PLEKHA6: variants seen among roughly 807,000 people sequenced by gnomAD.
The protein encoded by PLEKHA6 is pleckstrin homology domain-containing family A member 6.
Under a neutral mutation model 116.7 loss-of-function variants are expected in PLEKHA6, and 60 were observed. That is an observed-to-expected ratio of 0.51 (90% confidence interval 0.42 to 0.64). The LOEUF is 0.64. PLEKHA6 is among the 30% of genes least tolerant of loss of function. The probability of loss-of-function intolerance (pLI) is 0.00; values close to 1 mark genes in which losing one functional copy is unlikely to be tolerated. For missense variants in PLEKHA6, 1,338 were observed against 1,422.7 expected (o/e 0.94, Z 0.96); for synonymous variants, 489 against 556.1 (o/e 0.88, Z 1.70).
At chr1:204,337,420 C>T (rs1349895629) in intron 1 of PLEKHA6, among the ~76,000 whole-genome samples, 6 of 152,172 alleles carry the variant, frequency 3.9e-5, no homozygotes, top group East Asian at 1.9e-4. Flanking sequence ...CTAACTCACC[C>T]GGCGAGATGT....
chr1:204,322,890 G>GT (rs1672115941), intron 1 of PLEKHA6, among the ~76,000 whole-genome samples: 1 of 152,160 alleles, frequency 6.6e-6, no homozygotes, highest in South Asian at 2.1e-4. Flanking sequence ...GTCCCATGGC[G>GT]TATCATTCTG....
rs772234892 is a variant in PLEKHA6 at position 204,257,759 on chromosome 1, C to T, written c.1118G>A (p.Ser373Asn). 58 of 1,613,852 alleles carry T rather than the reference C, an allele frequency of 3.6e-5. No individual in the cohort carries two copies. The highest frequency in any genetic ancestry group is 4.7e-5 in the Non-Finnish European group (55 of 1,179,906). ...ATCATAGGCCGGCATGGAACAGATG[C>T]TCTCCGGCCGCACTCCTGGCGGGTA... ...QYYPPGVRPESICSMPAYDRI... is the reference protein window; with the variant it reads ...QYYPPGVRPENICSMPAYDRI... Residue 373 changes from serine (S) to asparagine (N), a missense_variant, in exon 9 of 23, where the codon AGC becomes AAC. Around this residue, in one of 3 missense-constraint regions of PLEKHA6, gnomAD observed 1,136 missense variants for 1,163.6 expected, o/e 0.98. Transcript: ENST00000272203. This position sits in a 1 kb window ranked among gnomAD's most constrained non-coding sequence, Gnocchi z 6.5.
Position 204,261,301 on chromosome 1 carries a change from C to T in PLEKHA6, c.524+5G>A. 1 of 1,614,194 alleles carries T rather than the reference C, an allele frequency of 6.2e-7. No individual in the cohort carries two copies. Among genetic ancestry groups the T allele is most frequent in the Non-Finnish European group, 8.5e-7 (1 of 1,180,018 alleles). The stretch of plus-strand genomic sequence containing the variant: ...CACCCCCACACTCAATTCCCTGGCA[C>T]TCACCTGTGCCGCACAGCTTGGGGC... On this transcript the variant is annotated splice_donor_5th_base_variant and intron_variant, in intron 7 of 22. Coordinates refer to ENST00000272203, the MANE Select transcript of PLEKHA6 (RefSeq NM_014935.5). The surrounding 1 kb of genome is among the most constrained non-coding windows in gnomAD (Gnocchi z 4.0).
intron 1 of PLEKHA6, among the ~76,000 whole-genome samples, chr1:204,375,691 T>G (rs775805133): frequency 7.2e-5 from 11 of 152,088 alleles, no homozygotes; most frequent in Non-Finnish European, 1.6e-4. Flanking sequence ...AGTCCCAGTT[T>G]GAAATCTCCT....
chr1:204,259,276 G>C lies in PLEKHA6; in HGVS notation c.989C>G (p.Pro330Arg). The C allele has an allele frequency of 6.2e-7, 1 of 1,613,620 alleles. No homozygotes were observed. The highest frequency in any genetic ancestry group is 8.5e-7 in the Non-Finnish European group (1 of 1,179,852). The change falls in exon 8 of 23, where the codon CCG (proline) becomes CGG (arginine). Residue 330 changes from proline to arginine, a missense_variant. By Grantham distance (103) the Pro-to-Arg change is moderately radical (BLOSUM62 -2). Around this residue, in one of 3 missense-constraint regions of PLEKHA6, gnomAD observed 1,136 missense variants for 1,163.6 expected, o/e 0.98. Transcript: ENST00000272203. The surrounding 1 kb of genome is among the most constrained non-coding windows in gnomAD (Gnocchi z 4.6). Reference protein sequence around the residue: ...QWVNLRRGVPPPEDLRSPSRF... With the variant: ...QWVNLRRGVPRPEDLRSPSRF... The stretch of plus-strand genomic sequence containing the variant: ...GCCTCACCTCCGAAGGTCTTCAGGC[G>C]GGGGTACCCCCCGGCGCAGATTCAC...
chr1:204,234,981 T>C (rs1558031118), intron 17 of PLEKHA6, among the ~76,000 whole-genome samples: 541 of 17,010 alleles, frequency 0.032, 58 homozygotes, highest in African/African-American at 0.052. Flanking sequence ...TATATATATA[T>C]ATATATATAT....
chr1:204,376,236 C>A (rs373165402), intron 1 of PLEKHA6, among the ~76,000 whole-genome samples: 1 of 152,098 alleles, frequency 6.6e-6, no homozygotes, highest in African/African-American at 2.4e-5. Flanking sequence ...GAGAATGAAC[C>A]ACTTCATCAG....
At chr1:204,273,234 C>T (rs1353968303) in intron 3 of PLEKHA6, among the ~76,000 whole-genome samples, 1 of 152,186 alleles carries the variant, frequency 6.6e-6, no homozygotes, top group African/African-American at 2.4e-5. Context: ...GAGATTTTGT[C>T]CCCAAGGGAC....
chr1:204,259,578 C>T lies in PLEKHA6; in HGVS notation c.687G>A (p.Lys229=). 6.2e-7 allele frequency: 1 copy of T among 1,614,092 alleles called. No individual in the cohort carries two copies. Among genetic ancestry groups the T allele is most frequent in the Admixed American group, 1.7e-5 (1 of 60,028 alleles). Residue 229 remains lysine (K), a synonymous_variant, in exon 8 of 23, where the codon AAG becomes AAA. Transcript: ENST00000272203. The surrounding 1 kb of genome is among the most constrained non-coding windows in gnomAD (Gnocchi z 4.6). ...CATTGGCTTTCACCGGAGGCTCTTT[C>T]TTGACTTCTGGCCTCTCAGGCCTTC... ...AERRPERPEV[K]KEPPVKANGL... is the part of the protein sequence containing the mutation.
At chr1:204,333,771 C>A (rs1007992174) in intron 1 of PLEKHA6, among the ~76,000 whole-genome samples, 2 of 152,212 alleles carry the variant, frequency 1.3e-5, no homozygotes, top group African/African-American at 4.8e-5. Flanking sequence ...CCCCTGCTCT[C>A]CAGCTGCCCT....
intron 9 of PLEKHA6, chr1:204,255,716 C>T: frequency 1.4e-6 from 1 of 701,354 alleles, no homozygotes; most frequent in Non-Finnish European, 2.6e-6. Flanking sequence ...CAAACAGCAA[C>T]ACAAACAAAC....
chr1:204,276,637 GACACACACACACAC>G (rs10567692), intron 1 of PLEKHA6, among the ~76,000 whole-genome samples: 43 of 136,926 alleles, frequency 3.1e-4, no homozygotes, highest in African/African-American at 8.1e-4. Context: ...CACTGGCACA[GACACACACACACAC>G]ACACACACAC....
At chr1:204,249,362 C>A (rs1372200058) in intron 10 of PLEKHA6, 98 bp from the exon 11 acceptor site, 4 of 870,982 alleles carry the variant, frequency 4.6e-6, no homozygotes, top group South Asian at 1.5e-5. Context: ...CCTCTGGATA[C>A]CCCCCTCCTT....
chr1:204,336,332 A>AC (rs1672648386), intron 1 of PLEKHA6, among the ~76,000 whole-genome samples: 1 of 152,208 alleles, frequency 6.6e-6, no homozygotes, highest in African/African-American at 2.4e-5. Flanking sequence ...CCTGGCTCAC[A>AC]AACCTGCAGT....
At chr1:204,315,226 A>G (rs1218174020) in intron 1 of PLEKHA6, among the ~76,000 whole-genome samples, 1 of 152,018 alleles carries the variant, frequency 6.6e-6, no homozygotes, top group Non-Finnish European at 1.5e-5. Flanking sequence ...ATGGCTCAAT[A>G]CCTGTTTCAT....
intron 1 of PLEKHA6, among the ~76,000 whole-genome samples, chr1:204,348,099 G>T (rs1221073467): frequency 1.3e-5 from 2 of 152,124 alleles, no homozygotes; most frequent in Non-Finnish European, 2.9e-5. Context: ...TGTTACAGAG[G>T]CACCAAGAGC....
intron 17 of PLEKHA6, among the ~76,000 whole-genome samples, chr1:204,234,359 A>G (rs1290442743): frequency 6.6e-6 from 1 of 152,186 alleles, no homozygotes; most frequent in East Asian, 1.9e-4. Flanking sequence ...TTGGACTTCT[A>G]GCCTCCACAA....
At position 204,268,305 on chromosome 1, in the gene PLEKHA6, C is replaced by A; in HGVS notation, c.110G>T (p.Arg37Leu). The A allele has an allele frequency of 6.2e-7, 1 of 1,605,080 alleles. No individual in the cohort carries two copies. The highest frequency in any genetic ancestry group is 8.5e-7 in the Non-Finnish European group (1 of 1,175,392). ...PPERPSVRAT[R>L]TARKAVAFGK... is the part of the protein sequence containing the mutation. ...AAAGGCGACGGCTTTGCGGGCTGTG[C>A]GAGTTGCCTGGGGGCAGAGAGAGAA... The change falls in exon 4 of 23, where the codon CGC becomes CTC. Residue 37 changes from arginine to leucine, a missense_variant. Arg to Leu is a moderately radical substitution (Grantham distance 102). Transcript: ENST00000272203.
intron 1 of PLEKHA6, among the ~76,000 whole-genome samples, chr1:204,275,183 C>T (rs779759335): frequency 1.3e-5 from 2 of 152,082 alleles, no homozygotes; most frequent in African/African-American, 2.4e-5. Flanking sequence ...CCAGGGACGG[C>T]GTCTGCCAGT....
Sources: allele counts gnomAD v4.1 joint callset (sites outside exome capture counted in the v4.1 genomes callset), GRCh38; gene constraint gnomAD v4.1.1; regional missense constraint gnomAD v4.1.1; non-coding constraint Gnocchi (gnomAD v3.1); transcripts MANE v1.5; gene names NCBI Gene and HGNC (gene_info 2026-07-23, HGNC 2026-07-21).